Variants in IGSF10 observed in about 807,000 individuals in gnomAD.
IGSF10 encodes calvaria mechanical force protein 608.
A neutral mutation model predicts 128.2 loss-of-function variants in IGSF10; 126 were observed. The ratio of observed to expected loss-of-function variants is 0.98; its 90% CI spans 0.85 to 1.14. The LOEUF (loss-of-function observed/expected upper bound fraction) is 1.14, where lower values mean the gene tolerates loss of function less well. Among genes scored for constraint, IGSF10 ranks in the 50% most tolerant of loss-of-function variants. IGSF10 has a pLI of 0.00. For synonymous variants in IGSF10, 1,185 were observed against 1,146.2 expected (o/e 1.03, Z -0.68); for missense variants, 3,295 against 3,149.8 (o/e 1.05, Z -1.10).
At chr3:151,509,884 C>G in the IGSF10 span, among the ~76,000 whole-genome samples, 3 of 152,182 alleles carry the variant, frequency 2.0e-5, no homozygotes, top group African/African-American at 7.2e-5. Context: ...ATTGCTAGCA[C>G]AGCAGTCTGA....
At chr3:151,484,838 G>T in the IGSF10 span, among the ~76,000 whole-genome samples, 1 of 151,308 alleles carries the variant, frequency 6.6e-6, no homozygotes, top group African/African-American at 2.4e-5. Context: ...ATTCCACAAA[G>T]ATAGGGAGAA....
At chr3:151,577,926 T>C in the IGSF10 span, among the ~76,000 whole-genome samples, 1 of 152,088 alleles carries the variant, frequency 6.6e-6, no homozygotes, top group Non-Finnish European at 1.5e-5. Context: ...GCATTTGTGC[T>C]CTTTGTTTCT....
At chr3:151,613,821 A>G in the IGSF10 span, among the ~76,000 whole-genome samples, 12 of 152,172 alleles carry the variant, frequency 7.9e-5, no homozygotes, top group Admixed American at 7.9e-4. Context: ...CAAAATTGAC[A>G]AATGGGATCT....
rs1416918462 is a variant in IGSF10 at position 151,442,393 on chromosome 3, T to TTTG, written c.5963+590_5963+591insCAA. ...TATACAATTACTATTTTTTTTTTTTTTTTTGAGACAAAGTCTCACTCTGTT... is the reference window on the plus strand; with the variant it reads ...TATACAATTACTATTTTTTTTTTTTTTTGTTTTGAGACAAAGTCTCACTCTGTT... On this transcript the variant is annotated intron_variant, in intron 7 of 7. Coordinates refer to ENST00000282466, the MANE Select transcript of IGSF10 (RefSeq NM_178822.5). Among the ~76,000 whole-genome samples the TTTG allele has an allele frequency of 3.2e-3, 480 of 149,810 alleles. 8 individuals are homozygous for TTTG. Among genetic ancestry groups the TTTG allele is most frequent in the African/African-American group, 0.011 (453 of 40,630 alleles).
chr3:151,477,531 T>G, the IGSF10 span, among the ~76,000 whole-genome samples: 1 of 152,214 alleles, frequency 6.6e-6, no homozygotes, highest in East Asian at 1.9e-4. Context: ...TAAACAATGT[T>G]GTAAAATATA....
At chr3:151,436,163 G>T (rs1328608787), downstream of IGSF10, 1 of 152,210 alleles carries the variant, frequency 6.6e-6, no homozygotes, top group East Asian at 1.9e-4. Flanking sequence ...AAAATTTTCA[G>T]TGTGAACAAA....
the IGSF10 span, among the ~76,000 whole-genome samples, chr3:151,534,358 T>C: frequency 6.6e-6 from 1 of 152,206 alleles, no homozygotes; most frequent in African/African-American, 2.4e-5. Context: ...TGCACATGTA[T>C]GTTTATTGCT....
chr3:151,448,594 C>A lies in IGSF10; in HGVS notation c.1387G>T (p.Ala463Ser). 1 of 1,614,096 alleles carries A rather than the reference C, an allele frequency of 6.2e-7. No homozygotes were observed. The highest frequency in any genetic ancestry group is 1.3e-5 in the African/African-American group (1 of 75,058). ...TTGTGTTTCACTGGCCTCATCTCTGCTCTTGGTAAAGTGATTTGAGCATCA... is the reference window on the plus strand; with the variant it reads ...TTGTGTTTCACTGGCCTCATCTCTGATCTTGGTAAAGTGATTTGAGCATCA... ...SSDAQITLPR[A>S]EMRPVKHKWT... The change falls in exon 6 of 8, where the codon GCA becomes TCA. Residue 463 changes from alanine (A) to serine (S), a missense_variant. Ala to Ser is a moderately conservative substitution (Grantham distance 99, BLOSUM62 1). Transcript: ENST00000282466.
At chr3:151,578,610 C>T in the IGSF10 span, among the ~76,000 whole-genome samples, 1 of 152,134 alleles carries the variant, frequency 6.6e-6, no homozygotes, top group Non-Finnish European at 1.5e-5. Flanking sequence ...CTTTGCAATG[C>T]GATACTGAGT....
the IGSF10 span, among the ~76,000 whole-genome samples, chr3:151,579,884 AAGGAAGGAAGG>A: frequency 1.3e-5 from 2 of 150,920 alleles, no homozygotes; most frequent in Admixed American, 6.6e-5. Flanking sequence ...GAAAGGAAGG[AAGGAAGGAAGG>A]AAGGAAGGAA....
At chr3:151,537,166 A>C in the IGSF10 span, among the ~76,000 whole-genome samples, 2 of 152,178 alleles carry the variant, frequency 1.3e-5, no homozygotes, top group Non-Finnish European at 2.9e-5. Context: ...TGGGCACATT[A>C]GTATTTGCTT....
rs113037709 is a variant in IGSF10 at position 151,438,137 on chromosome 3, G to T, written c.6424C>A (p.Arg2142=). Residue 2142 remains arginine (R), a synonymous_variant, in exon 8 of 8, where the codon CGG becomes AGG. Transcript: ENST00000282466. ...TTGGTTTTGTTACTCTGCCTTATCCGGGGAGCAGCTGTTATAACTGTTAAG... is the reference window on the plus strand; with the variant it reads ...TTGGTTTTGTTACTCTGCCTTATCCTGGGAGCAGCTGTTATAACTGTTAAG... ...VHLTVITAAP[R]IRQSNKTNKR... 1 of 1,614,096 alleles carries T rather than the reference G, an allele frequency of 6.2e-7. No individual in the cohort carries two copies. The highest frequency in any genetic ancestry group is 8.5e-7 in the Non-Finnish European group (1 of 1,180,004).
chr3:151,526,443 T>C, the IGSF10 span, among the ~76,000 whole-genome samples: 1 of 152,164 alleles, frequency 6.6e-6, no homozygotes, highest in Non-Finnish European at 1.5e-5. Flanking sequence ...TGAAAAAATG[T>C]TTAATGTTGC....
the IGSF10 span, among the ~76,000 whole-genome samples, chr3:151,536,364 A>G: frequency 0.46 from 69,664 of 151,892 alleles, 16,367 homozygotes; most frequent in South Asian, 0.55. Context: ...GAGGTTGATG[A>G]TTCTTTCCCA....
At chr3:151,594,550 T>C in the IGSF10 span, among the ~76,000 whole-genome samples, 1 of 151,544 alleles carries the variant, frequency 6.6e-6, no homozygotes, top group African/African-American at 2.4e-5. Context: ...CTCTATCTCC[T>C]GACCTCGTGA....
At chr3:151,504,469 G>A in the IGSF10 span, among the ~76,000 whole-genome samples, 1 of 152,154 alleles carries the variant, frequency 6.6e-6, no homozygotes, top group East Asian at 1.9e-4. Flanking sequence ...GATCCTTTTT[G>A]CTTATGGTCA....
At chr3:151,534,188 A>G in the IGSF10 span, among the ~76,000 whole-genome samples, 9 of 152,188 alleles carry the variant, frequency 5.9e-5, no homozygotes, top group African/African-American at 1.9e-4. Context: ...AAATAGAAAC[A>G]CTTTTACACT....
At chr3:151,617,315 TCTTCCC>T in the IGSF10 span, among the ~76,000 whole-genome samples, 4 of 108,324 alleles carry the variant, frequency 3.7e-5, no homozygotes, top group African/African-American at 1.2e-4. Context: ...TTCTTCTTCT[TCTTCCC>T]CTCCTCCTCC....
the IGSF10 span, among the ~76,000 whole-genome samples, chr3:151,550,612 T>A: frequency 6.6e-6 from 1 of 152,172 alleles, no homozygotes; most frequent in African/African-American, 2.4e-5. Flanking sequence ...ACCAACTAGA[T>A]CTTTTTTTTA....
Sources: gnomAD v4.1 joint callset for allele counts (sites outside exome capture counted in the v4.1 genomes callset) on GRCh38, gnomAD v4.1.1 for gene constraint, MANE v1.5 for transcripts, NCBI Gene and HGNC (gene_info 2026-07-23, HGNC 2026-07-21) for gene names.